Variants in TRPM3 observed in about 807,000 individuals in gnomAD.
TRPM3 encodes the protein long transient receptor potential channel 3.
In TRPM3, 77 loss-of-function variants were observed where a neutral mutation model predicts 181.2. The observed-to-expected ratio is 0.42, with a 90% CI of 0.35 to 0.51. The LOEUF is 0.51. TRPM3 is among the 20% of genes least tolerant of loss of function. The pLI, the probability that TRPM3 is intolerant of heterozygous loss-of-function variation, is 0.01. For missense variants in TRPM3, 1,759 were observed against 2,196.7 expected (o/e 0.80, Z 3.98); for synonymous variants, 745 against 796.4 (o/e 0.94, Z 1.09).
intron 1 of TRPM3, among the ~76,000 whole-genome samples, chr9:70,923,773 G>T (rs865808527): frequency 4.2e-5 from 6 of 142,462 alleles, no homozygotes; most frequent in Non-Finnish European, 4.6e-5. Flanking sequence ...AGTAATACTG[G>T]CAACACAAAT....
intron 1 of TRPM3, among the ~76,000 whole-genome samples, chr9:71,339,896 G>C (rs1433796529): frequency 4.6e-5 from 7 of 152,136 alleles, no homozygotes; most frequent in Non-Finnish European, 8.8e-5. Context: ...TACAAAAACA[G>C]ATTGTAGGTA....
intron 1 of TRPM3, among the ~76,000 whole-genome samples, chr9:71,307,132 C>A (rs1266963871): frequency 6.6e-6 from 1 of 152,160 alleles, no homozygotes; most frequent in Non-Finnish European, 1.5e-5. Flanking sequence ...AGTGGGATTA[C>A]TGGGTCAAAG....
chr9:71,381,098 G>A (rs960356104), intron 1 of TRPM3, among the ~76,000 whole-genome samples: 8 of 152,042 alleles, frequency 5.3e-5, no homozygotes, highest in African/African-American at 1.9e-4. Context: ...GACAATTACT[G>A]CCCTTAAATC....
At chr9:70,901,829 C>T (rs2096391482) in intron 1 of TRPM3, among the ~76,000 whole-genome samples, 1 of 151,982 alleles carries the variant, frequency 6.6e-6, no homozygotes, top group Non-Finnish European at 1.5e-5. Flanking sequence ...GATTAATGAC[C>T]CAGAGAATGA....
At chr9:70,999,819 T>C (rs774554366) in intron 1 of TRPM3, among the ~76,000 whole-genome samples, 3 of 152,154 alleles carry the variant, frequency 2.0e-5, no homozygotes, top group Admixed American at 6.5e-5. Flanking sequence ...ATCTAAAATA[T>C]CCACACAGGG....
chr9:70,903,363 G>T (rs1313605431), intron 1 of TRPM3, among the ~76,000 whole-genome samples: 1 of 152,144 alleles, frequency 6.6e-6, no homozygotes, highest in Non-Finnish European at 1.5e-5. Flanking sequence ...TGGTTGTGGG[G>T]ATTAGTGCCA....
chr9:71,133,996 TGTGTGTGTGTGTGTGTGTGCGC>T (rs774739515), intron 1 of TRPM3, among the ~76,000 whole-genome samples: 187 of 144,048 alleles, frequency 1.3e-3, no homozygotes, highest in South Asian at 3.2e-3. Context: ...TGTGTGTGTG[TGTGTGTGTGTGTGTGTGTGCGC>T]GTGCGCGCGC....
chr9:71,177,326 T>C (rs886442985), intron 1 of TRPM3, among the ~76,000 whole-genome samples: 3 of 152,092 alleles, frequency 2.0e-5, no homozygotes, highest in Non-Finnish European at 2.9e-5. Context: ...ATAAATGTAA[T>C]GCTCTTGAAT....
intron 1 of TRPM3, among the ~76,000 whole-genome samples, chr9:71,268,196 C>CA (rs1482641226): frequency 6.6e-6 from 1 of 152,038 alleles, no homozygotes; most frequent in Admixed American, 6.6e-5. Flanking sequence ...GCCTGGCCAA[C>CA]ATGGTGAAAC....
intron 1 of TRPM3, among the ~76,000 whole-genome samples, chr9:71,270,956 G>T (rs1356616667): frequency 1.3e-5 from 2 of 152,166 alleles, no homozygotes; most frequent in Non-Finnish European, 1.5e-5. Flanking sequence ...CTTGGAAGCA[G>T]ATTCTCCAGC....
At chr9:70,990,827 A>T (rs887526214) in intron 1 of TRPM3, among the ~76,000 whole-genome samples, 2 of 152,194 alleles carry the variant, frequency 1.3e-5, no homozygotes, top group Admixed American at 1.3e-4. Flanking sequence ...TGGGCTTTGA[A>T]AATACAACCA....
intron 1 of TRPM3, among the ~76,000 whole-genome samples, chr9:71,141,915 C>T (rs2075124443): frequency 6.6e-6 from 1 of 152,064 alleles, no homozygotes; most frequent in African/African-American, 2.4e-5. Flanking sequence ...GTTTTGATTG[C>T]TTCTGAAATT....
Position 71,424,142 on chromosome 9 carries a change from C to T in TRPM3, c.183+22511G>A, listed in dbSNP as rs113400582. On this transcript the variant is annotated intron_variant, in intron 1 of 24. Transcript: ENST00000357533. The stretch of plus-strand genomic sequence containing the variant: ...TTCACCATTACAATGTCATAAGGTT[C>T]TTTCCAGATAATTCAGCACAGAGTT... Among the ~76,000 whole-genome samples, 516 of 152,252 alleles carry T rather than the reference C, an allele frequency of 3.4e-3. 2 individuals are homozygous for T. The highest frequency in any genetic ancestry group is 0.015 in the South Asian group (73 of 4,822).
chr9:70,627,333 C>T (rs1159195930), intron 12 of TRPM3, among the ~76,000 whole-genome samples: 2 of 130,020 alleles, frequency 1.5e-5, no homozygotes, highest in African/African-American at 5.8e-5. Context: ...AGTGCAATGG[C>T]GTGATTTGGG....
chr9:70,655,316 AAAAAAAAAAAAAAAG>A, intron 9 of TRPM3, among the ~76,000 whole-genome samples: 1 of 150,362 alleles, frequency 6.7e-6, no homozygotes, highest in Non-Finnish European at 1.5e-5. Flanking sequence ...AAAAAAAAAA[AAAAAAAAAAAAAAAG>A]AAAAAGAAAA....
Position 70,770,705 on chromosome 9 carries a change from T to G in TRPM3, c.1149-8981A>C, listed in dbSNP as rs534428342. On this transcript the variant is annotated intron_variant, in intron 7 of 25. Transcript: ENST00000677713. ...CCTCATCTGTTAAATAAGGGTAGTA[T>G]ATGTCTTTTTAGGTTGATGTATTTG... is the stretch of plus-strand genomic sequence containing the variant. Among the ~76,000 whole-genome samples the G allele has an allele frequency of 3.9e-5, 6 of 152,326 alleles. No individual in the cohort carries two copies. In the South Asian group the frequency reaches 1.0e-3, roughly 26 times the overall value.
intron 4 of TRPM3, 47 bp from the exon 5 acceptor site, chr9:70,843,174 C>A: frequency 1.3e-6 from 2 of 1,573,120 alleles, no homozygotes; most frequent in Non-Finnish European, 1.7e-6. Context: ...AAGCAAATAC[C>A]TTTTCATCAT....
intron 1 of TRPM3, among the ~76,000 whole-genome samples, chr9:71,156,331 C>A (rs543375379): frequency 6.6e-6 from 1 of 150,540 alleles, no homozygotes; most frequent in Non-Finnish European, 1.5e-5. Context: ...TAGGATACCA[C>A]GAGCACCTAT....
intron 8 of TRPM3, among the ~76,000 whole-genome samples, chr9:70,752,049 TGCGCGC>T (rs367694647): frequency 0.076 from 8,802 of 116,330 alleles, 332 homozygotes; most frequent in South Asian, 0.17. Flanking sequence ...TGTGTGTGTG[TGCGCGC>T]GCGCGCGCAT....
Sources: gnomAD v4.1 joint callset for allele counts (sites outside exome capture counted in the v4.1 genomes callset) on GRCh38, gnomAD v4.1.1 for gene constraint, MANE v1.5 for transcripts, NCBI Gene and HGNC (gene_info 2026-07-23, HGNC 2026-07-21) for gene names.